CACNA1A: variants seen among roughly 807,000 people sequenced by gnomAD.
The protein encoded by CACNA1A is voltage-dependent P/Q-type calcium channel subunit alpha-1A.
CACNA1A carries 57 observed loss-of-function variants against 262.4 expected under a neutral mutation model. The observed-to-expected ratio is 0.22, with a 90% confidence interval of 0.18 to 0.27. The LOEUF is 0.27. Ranked by LOEUF, CACNA1A falls within the 10% of genes least tolerant of loss-of-function variation. The pLI, the probability that CACNA1A is intolerant of heterozygous loss-of-function variation, is 1.00. For missense variants in CACNA1A, 2,526 were observed against 3,562.8 expected (o/e 0.71, Z 7.41); for synonymous variants, 1,431 against 1,419.3 (o/e 1.01, Z -0.18).
At chr19:13,234,771 G>GAAGGGT in intron 34 of CACNA1A, 150 bp downstream of exon 34, 2 of 614,178 alleles carry the variant, frequency 3.3e-6, no homozygotes, top group Admixed American at 5.6e-5. Context: ...TACCGGAAAA[G>GAAGGGT]AAGGGTGAGG....
intron 19 of CACNA1A, among the ~76,000 whole-genome samples, chr19:13,289,205 G>A (rs58896889): frequency 0.027 from 3,993 of 148,684 alleles, 175 homozygotes; most frequent in African/African-American, 0.092. Context: ...GCAGTGGCGC[G>A]ATCTCAGCTC....
intron 5 of CACNA1A, chr19:13,363,243 C>T (rs1224637421): frequency 6.6e-6 from 1 of 151,868 alleles, no homozygotes. Flanking sequence ...TTCACAGAAA[C>T]CTAGGATCCA....
chr19:13,450,827 C>A (rs1340702348), intron 3 of CACNA1A: 2 of 152,116 alleles, frequency 1.3e-5, no homozygotes, highest in East Asian at 3.9e-4. Context: ...CAGCTTTATA[C>A]ACTTTTAATT....
chr19:13,318,204 C>T (rs1056815601), intron 10 of CACNA1A, among the ~76,000 whole-genome samples: 1 of 152,110 alleles, frequency 6.6e-6, no homozygotes, highest in African/African-American at 2.4e-5. Flanking sequence ...TAGGCTGCAA[C>T]ATTAAATTGC....
chr19:13,231,666 G>A (rs757076251), intron 35 of CACNA1A, 44 bp downstream of exon 35: 1 of 1,583,500 alleles, frequency 6.3e-7, no homozygotes, highest in South Asian at 1.1e-5. Flanking sequence ...AAGGAAGCCA[G>A]GCTTAGGGAG....
intron 24 of CACNA1A, chr19:13,272,238 C>T (rs1420881252): frequency 6.6e-6 from 1 of 152,266 alleles, no homozygotes; most frequent in Non-Finnish European, 1.5e-5. Context: ...CCCCTGGGCA[C>T]AGGTGGCCAA....
Position 13,208,916 on chromosome 19 carries a change from T to G in CACNA1A, c.6620A>C (p.His2207Pro). ...QERGRPKDRK[H>P]RQHHHHHHHH... The stretch of plus-strand genomic sequence containing the variant: ...GTGGTGGTGGTGGTGGTGCTGTCGA[T>G]GCTTCCGATCCTTGGGCCGGCCCCG... Residue 2207 changes from histidine (H) to proline (P), a missense_variant, in exon 46 of 47, where the codon CAT becomes CCT. Around this residue, in one of 17 missense-constraint regions of CACNA1A, gnomAD observed 929 missense variants for 868.1 expected, o/e 1.07. Coordinates refer to ENST00000360228, the MANE Select transcript of CACNA1A (RefSeq NM_001127222.2). 6.5e-7 allele frequency: 1 copy of G among 1,537,018 alleles called. No individual in the cohort carries two copies.
intron 1 of CACNA1A, among the ~76,000 whole-genome samples, chr19:13,475,974 T>C (rs1478266707): frequency 6.6e-6 from 1 of 152,174 alleles, no homozygotes; most frequent in Non-Finnish European, 1.5e-5. Context: ...GGGGTTTATA[T>C]GAGGCTATAT....
chr19:13,412,914 G>A (rs116700670), intron 3 of CACNA1A, among the ~76,000 whole-genome samples: 3,224 of 152,256 alleles, frequency 0.021, 120 homozygotes, highest in African/African-American at 0.073. Context: ...ATGTTATGGT[G>A]TGACTTAAAT....
chr19:13,481,231 C>T (rs185405187), intron 1 of CACNA1A, among the ~76,000 whole-genome samples: 31 of 152,332 alleles, frequency 2.0e-4, no homozygotes, highest in African/African-American at 6.3e-4. Context: ...GCAGCCACCA[C>T]TGCCAGAAGT....
At chr19:13,368,933 G>C (rs1267516946) in intron 4 of CACNA1A, among the ~76,000 whole-genome samples, 1 of 142,614 alleles carries the variant, frequency 7.0e-6, no homozygotes, top group Non-Finnish European at 1.5e-5. Context: ...AGCTACTCGG[G>C]AGGCTGAGGC....
chr19:13,399,950 G>A (rs990515648), intron 3 of CACNA1A, among the ~76,000 whole-genome samples: 3 of 152,184 alleles, frequency 2.0e-5, no homozygotes, highest in African/African-American at 4.8e-5. Flanking sequence ...TCCTGGCTTC[G>A]TGTAGAGCTA....
At chr19:13,278,301 CTCACT>C (rs1199527897) in intron 22 of CACNA1A, among the ~76,000 whole-genome samples, 1 of 152,108 alleles carries the variant, frequency 6.6e-6, no homozygotes, top group African/African-American at 2.4e-5. Flanking sequence ...GCTCCCTGCC[CTCACT>C]TCCTCTCATT....
In CACNA1A at chr19:13,236,897, G is replaced by T. The variant is rs2055896098; in HGVS notation, c.4951-1167C>A. ...CATTGTGGGGCTTCAAGGGACCTTGGTGGGGGGGGTGGGACTCTCGAAGTC... is the reference window on the plus strand; with the variant it reads ...CATTGTGGGGCTTCAAGGGACCTTGTTGGGGGGGGTGGGACTCTCGAAGTC... On this transcript the variant is annotated intron_variant, in intron 31 of 46. Transcript: ENST00000360228. This position sits in a 1 kb window ranked among gnomAD's most constrained non-coding sequence, Gnocchi z 4.6. 6.6e-6 allele frequency among the ~76,000 whole-genome samples: 1 copy of T among 152,164 alleles called. No individual in the cohort carries two copies. Among genetic ancestry groups the T allele is most frequent in the East Asian group, 1.9e-4 (1 of 5,196 alleles).
At chr19:13,411,408 CT>C (rs749879234) in intron 3 of CACNA1A, among the ~76,000 whole-genome samples, 1 of 152,132 alleles carries the variant, frequency 6.6e-6, no homozygotes, top group Non-Finnish European at 1.5e-5. Context: ...CCATACTGTT[CT>C]TGTGGTAGTG....
chr19:13,386,780 G>A (rs560913154), intron 3 of CACNA1A, among the ~76,000 whole-genome samples: 6 of 152,066 alleles, frequency 3.9e-5, no homozygotes, highest in Admixed American at 6.5e-5. Context: ...GCGACAGAGC[G>A]GGACTCTGTC....
intron 3 of CACNA1A, among the ~76,000 whole-genome samples, chr19:13,379,569 T>C (rs1222589425): frequency 1.3e-5 from 2 of 151,850 alleles, no homozygotes; most frequent in African/African-American, 2.4e-5. Context: ...AAGGGAGTGG[T>C]GACATTTCTA....
At chr19:13,370,393 C>T (rs999687658) in intron 4 of CACNA1A, among the ~76,000 whole-genome samples, 3 of 152,000 alleles carry the variant, frequency 2.0e-5, no homozygotes, top group African/African-American at 7.2e-5. Context: ...GCATGAGCCA[C>T]TGCACCCAGC....
chr19:13,275,490 G>A (rs2057123487), intron 24 of CACNA1A: 1 of 294,156 alleles, frequency 3.4e-6, no homozygotes, highest in Non-Finnish European at 6.7e-6. Flanking sequence ...TCTCTTTAGG[G>A]ACTTTCCAAA....
Sources: gnomAD v4.1 joint callset for allele counts (sites outside exome capture counted in the v4.1 genomes callset) on GRCh38, gnomAD v4.1.1 for gene constraint, gnomAD v4.1.1 regional missense constraint, Gnocchi (gnomAD v3.1) non-coding constraint, MANE v1.5 for transcripts, NCBI Gene and HGNC (gene_info 2026-07-23, HGNC 2026-07-21) for gene names.